Variants in NTM observed in about 807,000 individuals in gnomAD.
The protein encoded by NTM is IgLON family member 2.
Under a neutral mutation model 42.1 loss-of-function variants are expected in NTM, and 13 were observed. The ratio of observed to expected loss-of-function variants is 0.31; its 90% CI spans 0.20 to 0.49. NTM has a LOEUF of 0.49. Ranked by LOEUF, NTM falls within the 20% of genes least tolerant of loss-of-function variation. The probability of loss-of-function intolerance (pLI) is 0.99; values close to 1 mark genes in which losing one functional copy is unlikely to be tolerated. For synonymous variants in NTM, 187 were observed against 179.2 expected (o/e 1.04, Z -0.35); for missense variants, 373 against 452.8 (o/e 0.82, Z 1.60).
chr11:132,314,527 CT>C (rs753087936), intron 6 of NTM, 24 bp from the exon 7 acceptor site: 2 of 1,595,640 alleles, frequency 1.3e-6, no homozygotes, highest in Non-Finnish European at 1.7e-6. Context: ...TTGTTTTCTT[CT>C]TTTTTGTCTT....
intron 3 of NTM, among the ~76,000 whole-genome samples, chr11:132,211,115 A>T (rs922387586): frequency 2.0e-5 from 3 of 151,988 alleles, no homozygotes; most frequent in Non-Finnish European, 4.4e-5. Context: ...TTCAACAAAG[A>T]AAGTGGCATT....
intron 1 of NTM, among the ~76,000 whole-genome samples, chr11:131,858,784 G>T (rs1373198261): frequency 6.6e-6 from 1 of 152,224 alleles, no homozygotes; most frequent in Non-Finnish European, 1.5e-5. Context: ...CACATAATCT[G>T]TGGGGCTTAA....
At chr11:132,048,301 TC>T (rs1265517031) in intron 2 of NTM, among the ~76,000 whole-genome samples, 4 of 152,118 alleles carry the variant, frequency 2.6e-5, no homozygotes, top group African/African-American at 9.7e-5. Context: ...CCCAAGAGCC[TC>T]CTGCAAAGAG....
chr11:132,134,719 A>ATC (rs1566259410), intron 2 of NTM, among the ~76,000 whole-genome samples: 49 of 48,204 alleles, frequency 1.0e-3, no homozygotes, highest in African/African-American at 7.5e-3. Flanking sequence ...ATATATATAT[A>ATC]TATATATATA....
intron 1 of NTM, among the ~76,000 whole-genome samples, chr11:131,828,976 C>CT (rs142597415): frequency 1.2e-3 from 183 of 149,754 alleles, no homozygotes; most frequent in Non-Finnish European, 2.0e-3. Context: ...ATCACTCTCC[C>CT]TCTCTCTCTC....
intron 3 of NTM, among the ~76,000 whole-genome samples, chr11:132,197,311 G>T (rs1279226742): frequency 1.3e-5 from 2 of 152,106 alleles, no homozygotes; most frequent in Non-Finnish European, 2.9e-5. Flanking sequence ...CTGGGATTTG[G>T]TTACACAGAG....
intron 1 of NTM, among the ~76,000 whole-genome samples, chr11:131,377,586 T>A (rs1942134905): frequency 6.6e-6 from 1 of 152,226 alleles, no homozygotes; most frequent in Non-Finnish European, 1.5e-5. Context: ...AATCATCACA[T>A]CTTAATTTAG....
At chr11:131,420,898 A>G (rs916485352) in intron 1 of NTM, among the ~76,000 whole-genome samples, 2 of 152,104 alleles carry the variant, frequency 1.3e-5, no homozygotes, top group Admixed American at 1.3e-4. Context: ...CTCCTCCATG[A>G]TGTAATGCCT....
chr11:131,650,751 GA>G (rs1056038796), intron 1 of NTM, among the ~76,000 whole-genome samples: 7 of 149,946 alleles, frequency 4.7e-5, no homozygotes, highest in Admixed American at 2.6e-4. Context: ...AACTACATCA[GA>G]AAAAAAAATA....
intron 1 of NTM, among the ~76,000 whole-genome samples, chr11:131,610,656 G>C (rs1462214081): frequency 6.6e-6 from 1 of 152,206 alleles, no homozygotes. Context: ...CAGCCCCTGA[G>C]AAGTGTTCTA....
intron 2 of NTM, among the ~76,000 whole-genome samples, chr11:132,126,715 C>A (rs1023503654): frequency 4.6e-5 from 7 of 152,148 alleles, no homozygotes; most frequent in Non-Finnish European, 7.4e-5. Context: ...AAGAGCCCTA[C>A]CAGGAGGCAA....
At chr11:131,500,920 A>G (rs372016) in intron 1 of NTM, among the ~76,000 whole-genome samples, 50,366 of 138,882 alleles carry the variant, frequency 0.36, 8,594 homozygotes, top group African/African-American at 0.38. Flanking sequence ...ACATGAACTC[A>G]TCATTTTTTA....
intron 2 of NTM, among the ~76,000 whole-genome samples, chr11:132,058,063 T>G (rs2079988602): frequency 6.6e-6 from 1 of 152,216 alleles, no homozygotes; most frequent in Admixed American, 6.5e-5. Flanking sequence ...CTCCTTTCCC[T>G]GTTAGCTCTG....
At chr11:131,931,150 T>A (rs1280662042) in intron 2 of NTM, among the ~76,000 whole-genome samples, 1 of 152,068 alleles carries the variant, frequency 6.6e-6, no homozygotes, top group Non-Finnish European at 1.5e-5. Flanking sequence ...ATTAGTGTCA[T>A]AAAAATAGGT....
At chr11:131,881,696 AAGGCTAT>A (rs1248449811) in intron 1 of NTM, among the ~76,000 whole-genome samples, 1 of 152,160 alleles carries the variant, frequency 6.6e-6, no homozygotes, top group East Asian at 1.9e-4. Flanking sequence ...AAGTACCAAA[AAGGCTAT>A]AGGGTTGTCA....
chr11:131,734,242 G>A (rs750171315), intron 1 of NTM, among the ~76,000 whole-genome samples: 1 of 152,098 alleles, frequency 6.6e-6, no homozygotes, highest in Non-Finnish European at 1.5e-5. Context: ...CCTTTCAGTG[G>A]TCACTCCAGA....
intron 4 of NTM, among the ~76,000 whole-genome samples, chr11:132,279,296 T>C (rs1223664802): frequency 6.6e-6 from 1 of 152,226 alleles, no homozygotes; most frequent in Non-Finnish European, 1.5e-5. Context: ...ACTGGAATCA[T>C]TGTGCTATTT....
rs1294962123 is a variant in NTM at position 131,426,610 on chromosome 11, C to T, written c.82+55722C>T. Among the ~76,000 whole-genome samples, 9 of 152,130 alleles carry T rather than the reference C, an allele frequency of 5.9e-5. No homozygotes were observed. In the South Asian group the frequency reaches 1.2e-3, roughly 21 times the overall value. ...TGAGTTATCGATTGCTGCATTTCGGCGGCTCTTAATCTGAAATGAAATCAG... is the reference window on the plus strand; with the variant it reads ...TGAGTTATCGATTGCTGCATTTCGGTGGCTCTTAATCTGAAATGAAATCAG... On this transcript the variant is annotated intron_variant, in intron 1 of 8. Transcript: ENST00000683400.
intron 4 of NTM, 90 bp downstream of exon 4, chr11:132,212,237 C>A: frequency 9.9e-7 from 1 of 1,007,948 alleles, no homozygotes; most frequent in South Asian, 1.5e-5. Flanking sequence ...GATACCTACT[C>A]CAGAGGAGTC....
Sources: gnomAD v4.1 joint callset for allele counts (sites outside exome capture counted in the v4.1 genomes callset) on GRCh38, gnomAD v4.1.1 for gene constraint, MANE v1.5 for transcripts, NCBI Gene and HGNC (gene_info 2026-07-23, HGNC 2026-07-21) for gene names.